The following ANK1 variants were observed in gnomAD, a reference collection of about 807,000 sequenced individuals.
ANK1 encodes the protein ankyrin-1.
Under a neutral mutation model 210.4 loss-of-function variants are expected in ANK1, and 51 were observed. The observed-to-expected ratio is 0.24, with a 90% confidence interval of 0.19 to 0.31. The LOEUF is 0.31. Among genes scored for constraint, ANK1 ranks in the 10% least tolerant of loss-of-function variants. The probability of loss-of-function intolerance (pLI) is 1.00; values close to 1 mark genes in which losing one functional copy is unlikely to be tolerated. For synonymous variants in ANK1, 967 were observed against 1,025.9 expected (o/e 0.94, Z 1.10); for missense variants, 2,051 against 2,504.4 (o/e 0.82, Z 3.86).
chr8:41,853,675 C>T (rs890816321), intron 1 of ANK1, among the ~76,000 whole-genome samples: 2 of 152,206 alleles, frequency 1.3e-5, no homozygotes, highest in African/African-American at 4.8e-5. Context: ...CGCCTTATAA[C>T]AGATACCTAT....
chr8:41,770,833 G>T (rs537504813), intron 1 of ANK1, among the ~76,000 whole-genome samples: 1 of 152,350 alleles, frequency 6.6e-6, no homozygotes, highest in East Asian at 1.9e-4. Flanking sequence ...GAGAGCCCTT[G>T]AAACATAAAT....
At chr8:41,721,955 T>G (rs547726857) in intron 9 of ANK1, among the ~76,000 whole-genome samples, 2 of 152,262 alleles carry the variant, frequency 1.3e-5, no homozygotes, top group Non-Finnish European at 2.9e-5. Context: ...CTTCTGGCCA[T>G]GTATTATGTT....
chr8:41,666,474 C>T (rs1367362257), intron 39 of ANK1, among the ~76,000 whole-genome samples: 2 of 152,338 alleles, frequency 1.3e-5, no homozygotes, highest in Non-Finnish European at 2.9e-5. Flanking sequence ...TGCAAAGAAG[C>T]CGGGGAAGCA....
intron 1 of ANK1, among the ~76,000 whole-genome samples, chr8:41,886,174 C>A (rs1434685824): frequency 6.6e-6 from 1 of 152,212 alleles, no homozygotes; most frequent in African/African-American, 2.4e-5. Context: ...CTGCCACCCA[C>A]CCCTAGGTCC....
intron 1 of ANK1, among the ~76,000 whole-genome samples, chr8:41,882,895 C>T (rs1287821090): frequency 6.6e-6 from 1 of 152,236 alleles, no homozygotes; most frequent in Non-Finnish European, 1.5e-5. Flanking sequence ...TGTGACAGAG[C>T]CAGTCACCTT....
intron 1 of ANK1, among the ~76,000 whole-genome samples, chr8:41,795,599 T>C (rs1169869809): frequency 6.6e-6 from 1 of 152,146 alleles, no homozygotes; most frequent in Non-Finnish European, 1.5e-5. Context: ...ATGTCATTTG[T>C]AGCAACGTGG....
chr8:41,741,757 T>G (rs1394670181), intron 2 of ANK1, among the ~76,000 whole-genome samples: 4 of 152,144 alleles, frequency 2.6e-5, no homozygotes, highest in Non-Finnish European at 5.9e-5. Flanking sequence ...GAAAAAATGA[T>G]CACTTTGTAA....
intron 1 of ANK1, among the ~76,000 whole-genome samples, chr8:41,866,829 C>T (rs1035259887): frequency 1.3e-5 from 2 of 152,194 alleles, no homozygotes; most frequent in East Asian, 1.9e-4. Flanking sequence ...GGTATGTATA[C>T]GCTGCATTTT....
At chr8:41,680,968 G>A (rs934435522) in intron 37 of ANK1, among the ~76,000 whole-genome samples, 3 of 152,124 alleles carry the variant, frequency 2.0e-5, no homozygotes, top group Non-Finnish European at 4.4e-5. Context: ...CCTCCTCTTG[G>A]GGCTACATGT....
intron 1 of ANK1, among the ~76,000 whole-genome samples, chr8:41,837,208 C>A (rs1051704968): frequency 6.6e-6 from 1 of 152,196 alleles, no homozygotes; most frequent in African/African-American, 2.4e-5. Context: ...TGCAGGAGAG[C>A]TTTATAGCTA....
chr8:41,691,887 T>TC (rs1405841925), intron 31 of ANK1, among the ~76,000 whole-genome samples: 1 of 152,254 alleles, frequency 6.6e-6, no homozygotes. Context: ...AGATGGTGTC[T>TC]CACTACGTTG....
chr8:41,822,619 T>C (rs868672317), intron 1 of ANK1, among the ~76,000 whole-genome samples: 4 of 152,224 alleles, frequency 2.6e-5, no homozygotes, highest in African/African-American at 9.6e-5. Context: ...TAATGACTTC[T>C]TTCTGCATCC....
At chr8:41,850,222 GT>G (rs1319501147) in intron 1 of ANK1, among the ~76,000 whole-genome samples, 4 of 152,158 alleles carry the variant, frequency 2.6e-5, no homozygotes, top group Non-Finnish European at 4.4e-5. Flanking sequence ...TGCAGCCGTC[GT>G]TTAGCCCATG....
At chr8:41,737,531 C>T (rs1048462341) in intron 2 of ANK1, among the ~76,000 whole-genome samples, 10 of 152,212 alleles carry the variant, frequency 6.6e-5, no homozygotes, top group South Asian at 2.1e-4. Context: ...GTAAGACCCT[C>T]GCCATGCAAG....
chr8:41,872,354 T>C (rs2150825920), intron 1 of ANK1, among the ~76,000 whole-genome samples: 1 of 152,330 alleles, frequency 6.6e-6, no homozygotes, highest in Admixed American at 6.5e-5. Context: ...TGCCGGGCCC[T>C]AAGGCGAGGC....
intron 1 of ANK1, among the ~76,000 whole-genome samples, chr8:41,805,886 G>A (rs767145728): frequency 3.3e-5 from 5 of 152,126 alleles, no homozygotes; most frequent in Non-Finnish European, 7.4e-5. Flanking sequence ...GCTTGGATAT[G>A]TAGTTGGAAA....
At chr8:41,725,245 C>A (rs1830383141) in intron 6 of ANK1, among the ~76,000 whole-genome samples, 1 of 152,202 alleles carries the variant, frequency 6.6e-6, no homozygotes, top group Non-Finnish European at 1.5e-5. Context: ...CAGGAGGGGA[C>A]TTTGAATAAC....
intron 1 of ANK1, among the ~76,000 whole-genome samples, chr8:41,780,691 C>T (rs1330262063): frequency 3.3e-5 from 5 of 152,236 alleles, no homozygotes; most frequent in African/African-American, 1.2e-4. Context: ...CACATGTGTG[C>T]ATGCCTGTGT....
At chr8:41,708,586 C>T (rs1160688531) in intron 17 of ANK1, among the ~76,000 whole-genome samples, 192 bp downstream of exon 17, 1 of 152,164 alleles carries the variant, frequency 6.6e-6, no homozygotes, top group African/African-American at 2.4e-5. Flanking sequence ...ATCCTGCCAC[C>T]TTGGGAATAA....
Sources: allele counts gnomAD v4.1 joint callset (sites outside exome capture counted in the v4.1 genomes callset), GRCh38; gene constraint gnomAD v4.1.1; transcripts MANE v1.5; gene names NCBI Gene and HGNC (gene_info 2026-07-23, HGNC 2026-07-21).